Variants in SMARCA2 observed in about 807,000 individuals in gnomAD.
SMARCA2 encodes the protein SWI/SNF related BAF chromatin remodeling complex subunit ATPase 2, also known as SWI/SNF-related matrix-associated actin-dependent regulator of chromatin subfamily A member 2.
In SMARCA2, 61 loss-of-function variants were observed where a neutral mutation model predicts 199.8. The observed-to-expected ratio is 0.31, with a 90% CI of 0.25 to 0.38. SMARCA2 has a LOEUF of 0.38. Among genes scored for constraint, SMARCA2 ranks in the 10% least tolerant of loss-of-function variants. The pLI is 1.00. For missense variants in SMARCA2, 1,344 were observed against 2,012.2 expected (o/e 0.67, Z 6.35); for synonymous variants, 935 against 732.0 (o/e 1.28, Z -4.48).
chr9:2,155,556 C>T (rs541506788), intron 27 of SMARCA2, among the ~76,000 whole-genome samples: 2 of 152,294 alleles, frequency 1.3e-5, no homozygotes, highest in East Asian at 1.9e-4. Flanking sequence ...GCTGGGATTA[C>T]AGGCGTGAGC....
chr9:2,177,498 C>T (rs987834003), intron 29 of SMARCA2, among the ~76,000 whole-genome samples: 36 of 152,022 alleles, frequency 2.4e-4, no homozygotes, highest in African/African-American at 7.2e-4. Flanking sequence ...TATCAATTTT[C>T]GCCTGGTCCT....
At chr9:2,054,518 G>C in intron 5 of SMARCA2, 79 bp from the exon 6 acceptor site, 1 of 1,535,346 alleles carries the variant, frequency 6.5e-7, no homozygotes, top group Non-Finnish European at 8.9e-7. Context: ...TAAACCTAAT[G>C]TCATTGTTTA....
chr9:2,080,265 C>T (rs540212986), intron 14 of SMARCA2: 1 of 152,294 alleles, frequency 6.6e-6, no homozygotes, highest in African/African-American at 2.4e-5. Context: ...GCCACATAAG[C>T]TTGGTTCAAT....
Position 2,087,189 on chromosome 9 carries a change from T to G in SMARCA2, c.2769+118T>G, listed in dbSNP as rs908585218. 18 of 1,252,840 alleles carry G rather than the reference T, an allele frequency of 1.4e-5. No individual in the cohort carries two copies. In the Admixed American group the frequency reaches 1.9e-4, roughly 13 times the overall value. The allele number at this position is 1,252,840 out of a possible 1,614,324, so 77.6% of individuals were successfully genotyped here. A position where few individuals can be genotyped will look rare whatever the true frequency, so the allele number is the denominator to read the frequency against. ...CAGGGTGGTTTCCACTGTTGTTTATTTTATGAAACCCATCGGTGGGTGGAC... is the reference window on the plus strand; with the variant it reads ...CAGGGTGGTTTCCACTGTTGTTTATGTTATGAAACCCATCGGTGGGTGGAC... On this transcript the variant is annotated intron_variant, in intron 18 of 33. Transcript: ENST00000349721.
chr9:2,065,048 G>C (rs1424441558), intron 9 of SMARCA2, among the ~76,000 whole-genome samples: 5 of 152,200 alleles, frequency 3.3e-5, no homozygotes, highest in Non-Finnish European at 5.9e-5. Context: ...AGCCGGGCGT[G>C]GTGGCAGGCA....
Position 2,077,610 on chromosome 9 carries a change from C to T in SMARCA2, c.2037-19C>T, listed in dbSNP as rs1415662242. 4.3e-6 allele frequency: 7 copies of T among 1,610,966 alleles called. No homozygotes were observed. The highest frequency in any genetic ancestry group is 1.1e-5 in the South Asian group (1 of 90,904). On this transcript the variant is annotated intron_variant, in intron 13 of 33. Coordinates refer to ENST00000349721, the MANE Select transcript of SMARCA2 (RefSeq NM_003070.5). ...CACGCACATGTCTGTGTGTGATTCT[C>T]CACTTTTTCCTTTCCCAGGACAGCT...
chr9:2,080,807 A>G (rs998536217), intron 14 of SMARCA2, among the ~76,000 whole-genome samples: 1 of 152,220 alleles, frequency 6.6e-6, no homozygotes. Flanking sequence ...ATGTATACAT[A>G]TACATTGGCA....
Position 2,161,626 on chromosome 9 carries a change from C to G in SMARCA2, c.3982-60C>G, listed in dbSNP as rs1164029349. 2 of 1,173,536 alleles carry G rather than the reference C, an allele frequency of 1.7e-6. No individual in the cohort carries two copies. The highest frequency in any genetic ancestry group is 2.5e-6 in the Non-Finnish European group (2 of 800,698). 72.7% of individuals were successfully genotyped at this position (1,173,536 alleles called of 1,614,324 possible). A position where few individuals can be genotyped will look rare whatever the true frequency, so the allele number is the denominator to read the frequency against. ...GGAGCTATATATAAATATACACATA[C>G]TTTTTTTGTCTTGGTTATTCTCTTG... On this transcript the variant is annotated intron_variant, in intron 27 of 33. Coordinates refer to ENST00000349721, the MANE Select transcript of SMARCA2 (RefSeq NM_003070.5). This position sits in a 1 kb window ranked among gnomAD's most constrained non-coding sequence, Gnocchi z 4.7.
chr9:2,186,579 A>C (rs1371213990), intron 32 of SMARCA2, among the ~76,000 whole-genome samples: 1 of 144,786 alleles, frequency 6.9e-6, no homozygotes, highest in Admixed American at 6.8e-5. Context: ...GCTCACTGCA[A>C]CCTCCACCTC....
Position 2,169,834 on chromosome 9 carries a change from T to A in SMARCA2, c.4200-585T>A, listed in dbSNP as rs1029220350. Among the ~76,000 whole-genome samples the A allele has an allele frequency of 3.0e-4, 46 of 152,184 alleles. No individual in the cohort carries two copies. The highest frequency in any genetic ancestry group is 1.1e-3 in the African/African-American group (44 of 41,434). On this transcript the variant is annotated intron_variant, in intron 28 of 33. Coordinates refer to ENST00000349721, the MANE Select transcript of SMARCA2 (RefSeq NM_003070.5). This position sits in a 1 kb window ranked among gnomAD's most constrained non-coding sequence, Gnocchi z 6.5. ...GTGCCCAAGACGCCAGGTGGTGGTTTATTTTCATTTCCCACTAAAGATCAT... is the reference window on the plus strand; with the variant it reads ...GTGCCCAAGACGCCAGGTGGTGGTTAATTTTCATTTCCCACTAAAGATCAT...
At chr9:2,157,585 A>G (rs1485267638) in intron 27 of SMARCA2, 1 of 282,014 alleles carries the variant, frequency 3.5e-6, no homozygotes, top group Non-Finnish European at 6.6e-6. Flanking sequence ...CATGGAAGAA[A>G]TTTCCATGCC....
chr9:2,175,919 G>A (rs981643464), intron 29 of SMARCA2, among the ~76,000 whole-genome samples: 5 of 151,796 alleles, frequency 3.3e-5, no homozygotes, highest in African/African-American at 1.2e-4. Flanking sequence ...CGCTCTTGTT[G>A]CCCAAGCTGG....
At chr9:2,182,977 G>T (rs1226925775) in intron 31 of SMARCA2, among the ~76,000 whole-genome samples, 2 of 151,838 alleles carry the variant, frequency 1.3e-5, no homozygotes, top group African/African-American at 4.8e-5. Context: ...TTTTAGTAGA[G>T]ACGGGGTTTC....
intron 4 of SMARCA2, chr9:2,042,780 C>G (rs559519009): frequency 3.6e-4 from 55 of 151,976 alleles, no homozygotes; most frequent in African/African-American, 1.3e-3. Flanking sequence ...ATAGTCGGAG[C>G]TTCATTAGAA....
intron 30 of SMARCA2, among the ~76,000 whole-genome samples, 173 bp downstream of exon 30, chr9:2,181,849 G>C (rs1232545052): frequency 6.6e-6 from 1 of 152,210 alleles, no homozygotes; most frequent in African/African-American, 2.4e-5. Flanking sequence ...CATGTTGAGA[G>C]CTCACGTTAT....
At chr9:2,133,963 C>T (rs1319990263) in intron 27 of SMARCA2, among the ~76,000 whole-genome samples, 1 of 152,166 alleles carries the variant, frequency 6.6e-6, no homozygotes, top group African/African-American at 2.4e-5. Context: ...TGTCACCTCT[C>T]ATAGCTTTGC....
At chr9:2,168,385 A>G (rs1412784147) in intron 28 of SMARCA2, among the ~76,000 whole-genome samples, 5 of 152,224 alleles carry the variant, frequency 3.3e-5, no homozygotes, top group Admixed American at 1.3e-4. Context: ...GACTAATTGT[A>G]GTTAATTCCT....
intron 29 of SMARCA2, among the ~76,000 whole-genome samples, chr9:2,173,811 C>A (rs1190315996): frequency 2.6e-5 from 4 of 152,170 alleles, no homozygotes; most frequent in East Asian, 3.9e-4. Flanking sequence ...GACCAAAGAA[C>A]CCCCTTTTCA....
intron 23 of SMARCA2, among the ~76,000 whole-genome samples, chr9:2,108,965 C>G (rs181022705): frequency 7.2e-5 from 11 of 152,310 alleles, no homozygotes; most frequent in African/African-American, 2.6e-4. Context: ...TGAGAGCCCC[C>G]AGACCCCTCA....
Sources: allele counts gnomAD v4.1 joint callset (sites outside exome capture counted in the v4.1 genomes callset), GRCh38; gene constraint gnomAD v4.1.1; non-coding constraint Gnocchi (gnomAD v3.1); transcripts MANE v1.5; gene names NCBI Gene and HGNC (gene_info 2026-07-23, HGNC 2026-07-21).